The following RACGAP1 variants were observed in gnomAD, a reference collection of about 807,000 sequenced individuals.
RACGAP1 encodes Rac GTPase activating protein 1, also known as rac GTPase-activating protein 1.
A neutral mutation model predicts 78.1 loss-of-function variants in RACGAP1; 30 were observed. That is an observed-to-expected ratio of 0.38 (90% CI 0.29 to 0.52). RACGAP1 has a LOEUF of 0.52. Ranked by LOEUF, RACGAP1 falls within the 20% of genes least tolerant of loss-of-function variation. The pLI is 0.82. For missense variants in RACGAP1, 587 were observed against 777.1 expected, an observed-to-expected ratio of 0.76 and a Z score of 2.91; for synonymous variants, 231 against 264.8, an observed-to-expected ratio of 0.87 and a Z score of 1.24.
intron 12 of RACGAP1, among the ~76,000 whole-genome samples, chr12:49,992,974 T>C (rs908961228): frequency 6.6e-6 from 1 of 152,200 alleles, no homozygotes; most frequent in Non-Finnish European, 1.5e-5. Flanking sequence ...TTTAAGGGCC[T>C]ACGATGTGCC....
At chr12:50,001,750 G>A (rs1459847663) in intron 6 of RACGAP1, among the ~76,000 whole-genome samples, 1 of 152,204 alleles carries the variant, frequency 6.6e-6, no homozygotes, top group African/African-American at 2.4e-5. Flanking sequence ...ACAGGATTCT[G>A]TCCTAAGTTA....
chr12:49,994,042 A>C, intron 12 of RACGAP1, 89 bp downstream of exon 12: 2 of 1,288,332 alleles, frequency 1.6e-6, no homozygotes, highest in Non-Finnish European at 2.1e-6. Flanking sequence ...ACTCTGTCTA[A>C]AAAATAAAAA....
intron 2 of RACGAP1, among the ~76,000 whole-genome samples, chr12:50,030,781 T>C (rs1236724570): frequency 4.7e-5 from 6 of 128,680 alleles, no homozygotes; most frequent in Non-Finnish European, 7.6e-5. Context: ...TTATGTCTTT[T>C]GTGTGTGTGT....
chr12:50,020,479 TG>T (rs2137676728), intron 1 of RACGAP1, among the ~76,000 whole-genome samples: 1 of 152,192 alleles, frequency 6.6e-6, no homozygotes, highest in African/African-American at 2.4e-5. Context: ...CCACCATGCC[TG>T]GCCTCACTAA....
At chr12:50,014,319 C>T (rs111979321) in intron 2 of RACGAP1, among the ~76,000 whole-genome samples, 10 of 152,054 alleles carry the variant, frequency 6.6e-5, no homozygotes, top group African/African-American at 2.4e-4. Context: ...TACCATCATC[C>T]CCATTATTCT....
chr12:50,015,597 C>T (rs1019753715), intron 2 of RACGAP1, among the ~76,000 whole-genome samples: 3 of 151,710 alleles, frequency 2.0e-5, no homozygotes, highest in Non-Finnish European at 4.4e-5. Flanking sequence ...GTCAGGAGAT[C>T]GAGACCATCC....
intron 6 of RACGAP1, among the ~76,000 whole-genome samples, 156 bp downstream of exon 6, chr12:50,002,087 AAAAG>A (rs927796286): frequency 6.6e-6 from 1 of 151,966 alleles, no homozygotes; most frequent in African/African-American, 2.4e-5. Context: ...AAAAAAAAAA[AAAAG>A]AATATCAATA....
At chr12:50,026,396 T>A (rs1316576496), upstream of RACGAP1, among the ~76,000 whole-genome samples, 1 of 150,464 alleles carries the variant, frequency 6.6e-6, no homozygotes, top group East Asian at 1.9e-4. Flanking sequence ...GGGAGGGAGA[T>A]TAGGGAGATG....
At chr12:50,015,793 C>T (rs375711537) in intron 2 of RACGAP1, among the ~76,000 whole-genome samples, 82 of 150,506 alleles carry the variant, frequency 5.4e-4, no homozygotes, top group African/African-American at 2.0e-3. Flanking sequence ...CAGTGCAAGA[C>T]TCCATCTCAA....
At chr12:49,999,438 G>C in intron 8 of RACGAP1, 167 bp from the exon 9 acceptor site, 2 of 1,040,486 alleles carry the variant, frequency 1.9e-6, no homozygotes, top group Non-Finnish European at 1.4e-6. Flanking sequence ...AGTTATGCCA[G>C]TGGGCTAGCA....
Position 49,994,480 on chromosome 12 carries a change from A to G in RACGAP1, c.1074T>C (p.Thr358=). Residue 358 remains threonine (T), a synonymous_variant, in exon 11 of 17, where the codon ACT becomes ACC. Transcript: ENST00000312377. ...CAACAATGGAGGGGATCATTGGAGA[A>G]GTCTGGGACACAAAGTCTGCCAGCA... ...EGMLADFVSQ[T]SPMIPSIVVH... 1 of 1,613,912 alleles carries G rather than the reference A, an allele frequency of 6.2e-7. No individual in the cohort carries two copies. Among genetic ancestry groups the G allele is most frequent in the South Asian group, 1.1e-5 (1 of 90,972 alleles).
chr12:50,019,026 A>ATC (rs1949845092), intron 1 of RACGAP1, among the ~76,000 whole-genome samples: 1 of 151,958 alleles, frequency 6.6e-6, no homozygotes, highest in Admixed American at 6.6e-5. Context: ...GACCTACCCT[A>ATC]TCCCATACCC....
intron 2 of RACGAP1, among the ~76,000 whole-genome samples, chr12:50,009,657 C>A (rs941891756): frequency 1.3e-5 from 2 of 152,186 alleles, no homozygotes; most frequent in Non-Finnish European, 2.9e-5. Flanking sequence ...GAATGAAAAG[C>A]CGCTGTTCAA....
At chr12:50,025,662 TTTTTTTG>T, upstream of RACGAP1, 2 of 535,630 alleles carry the variant, frequency 3.7e-6, no homozygotes, top group Non-Finnish European at 4.8e-6. Context: ...GTTTTTCGGT[TTTTTTTG>T]TTTTTTTTTG....
At chr12:49,999,452 C>A (rs2137340702) in intron 8 of RACGAP1, 164 bp downstream of exon 8, 1 of 1,002,994 alleles carries the variant, frequency 1.0e-6, no homozygotes, top group Admixed American at 2.7e-5. Context: ...GCTAGCAATT[C>A]AAAGGTAAAG....
Position 49,997,078 on chromosome 12 carries a change from T to C in RACGAP1, c.1006A>G (p.Ile336Val), listed in dbSNP as rs1948342291. The C allele has an allele frequency of 6.3e-7, 1 of 1,593,598 alleles. No homozygotes were observed. Among genetic ancestry groups the C allele is most frequent in the African/African-American group, 1.3e-5 (1 of 74,556 alleles). ...ECRDRCPLPC[I>V]PTLIGTPVKI... The stretch of plus-strand genomic sequence containing the variant: ...ACAGGTGTTCCTATCAGGGTAGGAA[T>C]GCAGGGAAGGGGACAGCGGTCCCGA... The change falls in exon 10 of 17, where the codon ATT (isoleucine) becomes GTT (valine). Residue 336 changes from isoleucine (I) to valine (V), a missense_variant. Ile to Val is a conservative substitution (Grantham distance 29). Coordinates refer to ENST00000312377, the MANE Select transcript of RACGAP1 (RefSeq NM_001319999.2).
At position 49,992,006 on chromosome 12, in the gene RACGAP1, T is replaced by C; in HGVS notation, c.1706A>G (p.Asp569Gly). The part of the protein sequence containing the change: ...SNAFSTPQTP[D>G]IKVSLLGPVT... ...CACATCTTGGGCCTTACCTTTAATA[T>C]CTGGTGTCTGTGGTGTTGAAAAGGC... Residue 569 changes from aspartate (D) to glycine (G), a missense_variant, in exon 15 of 17, where the codon GAT becomes GGT. Transcript: ENST00000312377. 6.2e-7 allele frequency: 1 copy of C among 1,613,900 alleles called. No homozygotes were observed. Among genetic ancestry groups the C allele is most frequent in the East Asian group, 2.2e-5 (1 of 44,894 alleles).
At chr12:50,004,154 A>T in intron 5 of RACGAP1, 81 bp downstream of exon 5, 1 of 1,517,136 alleles carries the variant, frequency 6.6e-7, no homozygotes, top group Non-Finnish European at 9.0e-7. Context: ...TAGGATGTTC[A>T]GAAGAGAAGA....
At chr12:50,030,503 C>T (rs372754602) in intron 2 of RACGAP1, among the ~76,000 whole-genome samples, 4 of 152,160 alleles carry the variant, frequency 2.6e-5, no homozygotes, top group South Asian at 2.1e-4. Context: ...GCCTGCCCAA[C>T]ATGGTGAAGC....
Sources: gnomAD v4.1 joint callset for allele counts (sites outside exome capture counted in the v4.1 genomes callset) on GRCh38, gnomAD v4.1.1 for gene constraint, MANE v1.5 for transcripts, NCBI Gene and HGNC (gene_info 2026-07-23, HGNC 2026-07-21) for gene names.